The following LMTK2 variants were observed in gnomAD, a reference collection of about 807,000 sequenced individuals.
LMTK2 encodes the protein serine/threonine-protein kinase LMTK2.
LMTK2 carries 37 observed loss-of-function variants against 127.5 expected under a neutral mutation model. The observed-to-expected ratio is 0.29, with a 90% CI of 0.22 to 0.38. The LOEUF (loss-of-function observed/expected upper bound fraction) is 0.38. LMTK2 is among the 10% of genes least tolerant of loss of function. LMTK2 has a pLI of 1.00. For synonymous variants in LMTK2, 819 were observed against 810.1 expected, an observed-to-expected ratio of 1.01 and a Z score of -0.19; for missense variants, 1,694 against 1,920.3, an observed-to-expected ratio of 0.88 and a Z score of 2.20.
intron 1 of LMTK2, among the ~76,000 whole-genome samples, chr7:98,113,067 G>C (rs1796226359): frequency 6.6e-6 from 1 of 152,074 alleles, no homozygotes; most frequent in African/African-American, 2.4e-5. Context: ...TTTTTTTGTA[G>C]AGATGGTGAT....
chr7:98,198,383 G>A (rs570656903), intron 11 of LMTK2, among the ~76,000 whole-genome samples: 3 of 152,094 alleles, frequency 2.0e-5, no homozygotes, highest in Admixed American at 6.6e-5. Context: ...TAGAGACGAG[G>A]TTTCACCATG....
chr7:98,132,290 G>A (rs781441832), intron 1 of LMTK2, among the ~76,000 whole-genome samples: 1 of 151,794 alleles, frequency 6.6e-6, no homozygotes, highest in Non-Finnish European at 1.5e-5. Context: ...TCACTCTGTC[G>A]CCCAGGCTGG....
intron 4 of LMTK2, among the ~76,000 whole-genome samples, chr7:98,153,720 G>T (rs760137527): frequency 6.6e-6 from 1 of 152,032 alleles, no homozygotes; most frequent in Non-Finnish European, 1.5e-5. Flanking sequence ...AAAAAAATTC[G>T]CTGAGTGGGA....
At chr7:98,113,312 C>A (rs1243232902) in intron 1 of LMTK2, among the ~76,000 whole-genome samples, 1 of 152,186 alleles carries the variant, frequency 6.6e-6, no homozygotes, top group Non-Finnish European at 1.5e-5. Flanking sequence ...ATGTTTGCTT[C>A]CCCTTCCACC....
At chr7:98,149,788 GAAATTA>G (rs909739947) in intron 3 of LMTK2, among the ~76,000 whole-genome samples, 2 of 152,128 alleles carry the variant, frequency 1.3e-5, no homozygotes, top group Non-Finnish European at 2.9e-5. Context: ...AAGCTTTTTG[GAAATTA>G]AAATTAAAAT....
At chr7:98,201,584 G>A (rs1348894583) in intron 11 of LMTK2, among the ~76,000 whole-genome samples, 1 of 148,072 alleles carries the variant, frequency 6.8e-6, no homozygotes, top group Non-Finnish European at 1.5e-5. Flanking sequence ...TCTGAGGGTG[G>A]ATTTCTTCGT....
At position 98,197,849 on chromosome 7, in the gene LMTK2, C is replaced by T. The variant is rs1007103466; in HGVS notation, c.4107+3277C>T. On this transcript the variant is annotated intron_variant, in intron 11 of 13. Transcript: ENST00000297293. ...AGAGTGAGACCCTGTCTGAGAGGCTCCTGCTCTCCAGCTTTGAGGAATAAA... is the reference window on the plus strand; with the variant it reads ...AGAGTGAGACCCTGTCTGAGAGGCTTCTGCTCTCCAGCTTTGAGGAATAAA... Among the ~76,000 whole-genome samples the T allele has an allele frequency of 3.3e-5, 5 of 152,154 alleles. No individual in the cohort carries two copies. In the East Asian group the frequency reaches 5.8e-4, roughly 18 times the overall value.
intron 3 of LMTK2, among the ~76,000 whole-genome samples, chr7:98,144,095 T>C (rs1306484833): frequency 6.6e-6 from 1 of 152,210 alleles, no homozygotes; most frequent in Non-Finnish European, 1.5e-5. Flanking sequence ...TTTGCATAGA[T>C]AATATATTCA....
At chr7:98,199,742 G>A (rs539584583) in intron 11 of LMTK2, among the ~76,000 whole-genome samples, 41 of 152,310 alleles carry the variant, frequency 2.7e-4, no homozygotes, top group Admixed American at 2.4e-3. Flanking sequence ...CAATCCGCCC[G>A]CCTCGGTCTT....
intron 7 of LMTK2, among the ~76,000 whole-genome samples, chr7:98,173,933 G>A (rs913260132): frequency 7.2e-5 from 11 of 152,106 alleles, no homozygotes; most frequent in Admixed American, 2.0e-4. Context: ...ACGGGTGCCT[G>A]TAGTCCCAGC....
In LMTK2 at chr7:98,140,160, TTC is replaced by T. The variant is rs1162578039; in HGVS notation, c.232-1235_232-1234del. On this transcript the variant is annotated intron_variant, in intron 2 of 13. Coordinates refer to ENST00000297293, the MANE Select transcript of LMTK2 (RefSeq NM_014916.4). ...TTTCTTTCTTTTCTTTTCTTTTCTT[TTC>T]TTTTCTTTTCTTTCTTTTCTTTCTT... Among the ~76,000 whole-genome samples the T allele has an allele frequency of 2.0e-3, 66 of 32,888 alleles. 21 individuals are homozygous for T. The highest frequency in any genetic ancestry group is 0.015 in the African/African-American group (62 of 4,102). The allele number at this position is 32,888 out of a possible 152,430, so 21.6% of individuals were successfully genotyped here. A position where few individuals can be genotyped will look rare whatever the true frequency, so the allele number is the denominator to read the frequency against.
chr7:98,142,038 GT>G lies in LMTK2; in HGVS notation c.376+508del, dbSNP rs1287723398. Among the ~76,000 whole-genome samples the G allele has an allele frequency of 1.5e-4, 22 of 147,082 alleles. No individual in the cohort carries two copies. In the South Asian group the frequency reaches 1.7e-3, roughly 11 times the overall value. On this transcript the variant is annotated intron_variant, in intron 3 of 13. Coordinates refer to ENST00000297293, the MANE Select transcript of LMTK2 (RefSeq NM_014916.4). ...ACTAGAAAAATAGAATGTGACTATA[GT>G]TTTTTTTTTTAGAGTTTGAAATTTA... is the stretch of plus-strand genomic sequence containing the variant.
chr7:98,191,761 C>T lies in LMTK2; in HGVS notation c.1296C>T (p.Asn432=). The stretch of plus-strand genomic sequence containing the variant: ...AGCAGTGGAACGCTCTGAAGCCGAA[C>T]ACAAACAGCAGAGACTCCTCCAACA... ...FEQQWNALKP[N]TNSRDSSNNA... The change falls in exon 11 of 14, where the codon AAC becomes AAT. Residue 432 remains asparagine (N), a synonymous_variant. Coordinates refer to ENST00000297293, the MANE Select transcript of LMTK2 (RefSeq NM_014916.4). The T allele has an allele frequency of 6.2e-7, 1 of 1,614,194 alleles. No homozygotes were observed. The highest frequency in any genetic ancestry group is 8.5e-7 in the Non-Finnish European group (1 of 1,180,042).
intron 3 of LMTK2, among the ~76,000 whole-genome samples, chr7:98,149,333 CAG>C (rs916603844): frequency 6.6e-6 from 1 of 152,194 alleles, no homozygotes; most frequent in Non-Finnish European, 1.5e-5. Context: ...TACCCTGTCT[CAG>C]TGGACTTTCT....
At chr7:98,148,753 C>A (rs1796808539) in intron 3 of LMTK2, among the ~76,000 whole-genome samples, 1 of 152,192 alleles carries the variant, frequency 6.6e-6, no homozygotes, top group African/African-American at 2.4e-5. Flanking sequence ...ATTGACTCTG[C>A]TGGGGCACTC....
At chr7:98,174,598 G>A (rs1797248937) in intron 7 of LMTK2, among the ~76,000 whole-genome samples, 1 of 152,242 alleles carries the variant, frequency 6.6e-6, no homozygotes. Flanking sequence ...TGAGCCAGGG[G>A]GTTCTCATGG....
rs773521651 is a variant in LMTK2 at position 98,194,277 on chromosome 7, T to C, written c.3812T>C (p.Val1271Ala). The change falls in exon 11 of 14, where the codon GTG becomes GCG. Residue 1271 changes from valine (V) to alanine (A), a missense_variant. Val to Ala is a moderately conservative substitution (Grantham distance 64, BLOSUM62 0). Coordinates refer to ENST00000297293, the MANE Select transcript of LMTK2 (RefSeq NM_014916.4). This position sits in a 1 kb window ranked among gnomAD's most constrained non-coding sequence, Gnocchi z 5.4. ...GGGAAGTACCTGGGGAAACTCGGGG[T>C]GTCAGGGATGCTCGACCTCTCAGAG... ...IEGKYLGKLG[V>A]SGMLDLSEDG... 2 of 1,614,014 alleles carry C rather than the reference T, an allele frequency of 1.2e-6. No homozygotes were observed. The highest frequency in any genetic ancestry group is 3.3e-5 in the Admixed American group (2 of 60,012).
intron 1 of LMTK2, among the ~76,000 whole-genome samples, chr7:98,127,358 G>A (rs1449183644): frequency 1.3e-5 from 2 of 152,134 alleles, no homozygotes; most frequent in Non-Finnish European, 2.9e-5. Flanking sequence ...TTTAGAGATG[G>A]GCTTTATGTT....
chr7:98,202,251 A>G (rs1367643254), intron 11 of LMTK2, among the ~76,000 whole-genome samples: 2 of 151,568 alleles, frequency 1.3e-5, no homozygotes, highest in African/African-American at 2.4e-5. Context: ...TGGTTATTAT[A>G]CTTTTCTTTT....
Sources: gnomAD v4.1 joint callset for allele counts (sites outside exome capture counted in the v4.1 genomes callset) on GRCh38, gnomAD v4.1.1 for gene constraint, Gnocchi (gnomAD v3.1) non-coding constraint, MANE v1.5 for transcripts, NCBI Gene and HGNC (gene_info 2026-07-23, HGNC 2026-07-21) for gene names.